The following BLTP2 variants were observed in gnomAD, a reference collection of about 807,000 sequenced individuals.
The protein encoded by BLTP2 is bridge-like lipid transfer protein family member 2, also known as U937-associated antigen.
the BLTP2 span, chr17:28,628,497 T>C: frequency 6.2e-7 from 1 of 1,614,118 alleles, no homozygotes; most frequent in Non-Finnish European, 8.5e-7. Context: ...AGGAAATCCG[T>C]AAATCTACTA....
chr17:28,637,911 C>T, the BLTP2 span: 2 of 1,614,052 alleles, frequency 1.2e-6, no homozygotes, highest in African/African-American at 1.3e-5. Flanking sequence ...GACACAGATT[C>T]CCCAAATGAA....
At chr17:28,623,873 C>T in the BLTP2 span, 2 of 1,614,084 alleles carry the variant, frequency 1.2e-6, no homozygotes, top group African/African-American at 2.7e-5. Flanking sequence ...AATGTATCAC[C>T]ATACCAGGCT....
the BLTP2 span, chr17:28,615,753 G>A: frequency 6.2e-7 from 1 of 1,614,152 alleles, no homozygotes; most frequent in Non-Finnish European, 8.5e-7. Context: ...TCCAGACAGG[G>A]CAGCACCAGG....
At chr17:28,621,034 T>A in the BLTP2 span, 2 of 1,614,210 alleles carry the variant, frequency 1.2e-6, no homozygotes, top group Non-Finnish European at 1.7e-6. Context: ...TCTCAAGAAC[T>A]TCAGGTGGCT....
the BLTP2 span, chr17:28,624,139 C>T: frequency 4.1e-6 from 6 of 1,461,858 alleles, no homozygotes; most frequent in Non-Finnish European, 5.6e-6. Flanking sequence ...TTTTTTGGAG[C>T]TCTATTCACC....
the BLTP2 span, chr17:28,628,696 AGGC>A: frequency 1.5e-5 from 11 of 720,334 alleles, no homozygotes; most frequent in Non-Finnish European, 2.0e-5. Flanking sequence ...GCACTTTGGG[AGGC>A]CGAAGTGGGC....
chr17:28,624,801 C>T, the BLTP2 span, among the ~76,000 whole-genome samples: 1 of 152,114 alleles, frequency 6.6e-6, no homozygotes, highest in African/African-American at 2.4e-5. Context: ...TGCTGCTTCC[C>T]CTGATTATGT....
chr17:28,616,674 C>T, the BLTP2 span: 4 of 1,614,112 alleles, frequency 2.5e-6, no homozygotes, highest in Middle Eastern at 1.6e-4. This position sits in a 1 kb window ranked among gnomAD's most constrained non-coding sequence, Gnocchi z 4.8. Context: ...ATCTTCCACA[C>T]TTCGGCCAGG....
chr17:28,620,114 C>T, the BLTP2 span: 2 of 1,108,982 alleles, frequency 1.8e-6, no homozygotes, highest in African/African-American at 3.2e-5. Context: ...GGGGTCTCTT[C>T]TAGAAAGCTA....
the BLTP2 span, among the ~76,000 whole-genome samples, chr17:28,632,617 C>T: frequency 6.6e-6 from 1 of 152,124 alleles, no homozygotes; most frequent in African/African-American, 2.4e-5. Context: ...AGCAAAAAGG[C>T]ACCATCTATG....
chr17:28,630,932 G>GA, the BLTP2 span, among the ~76,000 whole-genome samples: 1 of 152,012 alleles, frequency 6.6e-6, no homozygotes, highest in Non-Finnish European at 1.5e-5. Flanking sequence ...AGGAGAGAAA[G>GA]AAAAAGTATT....
chr17:28,643,386 CTT>C, the BLTP2 span: 1 of 1,563,038 alleles, frequency 6.4e-7, no homozygotes, highest in Non-Finnish European at 8.8e-7. Flanking sequence ...CTCACATTCA[CTT>C]TCTCATCCTT....
the BLTP2 span, chr17:28,643,445 T>C: frequency 2.2e-6 from 3 of 1,377,378 alleles, no homozygotes; most frequent in Non-Finnish European, 3.1e-6. Context: ...ATAGCAGTTA[T>C]CAATATCTTC....
chr17:28,619,070 A>T, the BLTP2 span: 9 of 903,260 alleles, frequency 1.0e-5, no homozygotes, highest in Non-Finnish European at 1.0e-5. Flanking sequence ...TAAACCCAGA[A>T]ATTAACCTAT....
chr17:28,637,531 T>C, the BLTP2 span, among the ~76,000 whole-genome samples: 1 of 152,354 alleles, frequency 6.6e-6, no homozygotes, highest in South Asian at 2.1e-4. Context: ...AGAAGTCTAA[T>C]ATTTATGCAA....
the BLTP2 span, chr17:28,620,877 G>A: frequency 9.5e-7 from 1 of 1,051,928 alleles, no homozygotes. Context: ...AAATGTTAAT[G>A]CCAGTGCACA....
chr17:28,616,108 A>G, the BLTP2 span: 1 of 1,613,110 alleles, frequency 6.2e-7, no homozygotes. This position sits in a 1 kb window ranked among gnomAD's most constrained non-coding sequence, Gnocchi z 4.8. Context: ...TGTAGCTGAC[A>G]CACAGTGGAA....
chr17:28,631,532 G>A, the BLTP2 span: 65 of 1,614,192 alleles, frequency 4.0e-5, no homozygotes, highest in African/African-American at 8.1e-4. Context: ...GACAAGCTCA[G>A]CAGGTGGGTC....
the BLTP2 span, chr17:28,617,153 G>T: frequency 7.6e-7 from 1 of 1,323,730 alleles, no homozygotes; most frequent in South Asian, 1.2e-5. Flanking sequence ...TTCCATAGTG[G>T]ATTTATACTG....
Sources: gnomAD v4.1 joint callset for allele counts (sites outside exome capture counted in the v4.1 genomes callset) on GRCh38, gnomAD v4.1.1 for gene constraint, Gnocchi (gnomAD v3.1) non-coding constraint, MANE v1.5 for transcripts, NCBI Gene and HGNC (gene_info 2026-07-23, HGNC 2026-07-21) for gene names.